Variants in SH2B2 observed in about 807,000 individuals in gnomAD.
SH2B2 encodes SH2B adaptor protein 2, also known as SH2B adapter protein 2.
Under a neutral mutation model 35.7 loss-of-function variants are expected in SH2B2, and 37 were observed. That is an observed-to-expected ratio of 1.04 (90% CI 0.80 to 1.36). The LOEUF (loss-of-function observed/expected upper bound fraction) is 1.36. Ranked by LOEUF, SH2B2 falls within the 40% of genes most tolerant of loss-of-function variation. SH2B2 has a pLI of 0.00. For missense variants in SH2B2, 852 were observed against 817.7 expected, an observed-to-expected ratio of 1.04 and a Z score of -0.51; for synonymous variants, 383 against 376.4, an observed-to-expected ratio of 1.02 and a Z score of -0.20.
chr7:102,318,509 G>A (rs1793942553), intron 7 of SH2B2, among the ~76,000 whole-genome samples: 1 of 152,166 alleles, frequency 6.6e-6, no homozygotes, highest in Non-Finnish European at 1.5e-5. Context: ...AATGTGGCCA[G>A]AGGGGGCAGG....
chr7:102,315,759 A>AAG lies in SH2B2; in HGVS notation c.1186+1078_1186+1079insGA, dbSNP rs1554556867. The stretch of plus-strand genomic sequence containing the variant: ...CCTGTGAAAAGAAAAAAAAAAAAAA[A>AAG]AAAGAAAAGAAAAGAAGAAAGGAGG... On this transcript the variant is annotated intron_variant, in intron 6 of 8. Coordinates refer to ENST00000444095, the MANE Select transcript of SH2B2 (RefSeq NM_001359228.2). Among the ~76,000 whole-genome samples, 9 of 144,508 alleles carry AAG rather than the reference A, an allele frequency of 6.2e-5. No homozygotes were observed. The South Asian group carries it at 6.4e-4, about 10-fold the overall frequency. 94.8% of individuals were successfully genotyped at this position (144,508 alleles called of 152,430 possible). A position where few individuals can be genotyped will look rare whatever the true frequency, so the allele number is the denominator to read the frequency against.
chr7:102,320,264 C>T, intron 7 of SH2B2, 67 bp from the exon 8 acceptor site: 1 of 1,367,712 alleles, frequency 7.3e-7, no homozygotes. Context: ...TCCATCAACC[C>T]CCAAAGGCGC....
chr7:102,321,120 G>A (rs1794052434), intron 8 of SH2B2, among the ~76,000 whole-genome samples, 179 bp from the exon 9 acceptor site: 1 of 152,182 alleles, frequency 6.6e-6, no homozygotes, highest in South Asian at 2.1e-4. Flanking sequence ...TTAGGTACAT[G>A]TATGTGTGTG....
At chr7:102,309,111 C>G in intron 4 of SH2B2, 1 of 674,426 alleles carries the variant, frequency 1.5e-6, no homozygotes, top group Non-Finnish European at 2.7e-6. Context: ...GAGGCCTGCT[C>G]TATGGGGCCA....
chr7:102,300,917 A>C lies in SH2B2; in HGVS notation c.367A>C (p.Thr123Pro). Reference protein sequence around the residue: ...GHSRSSEDVSTHAATKARVRK... With the variant: ...GHSRSSEDVSPHAATKARVRK... Reference sequence around the variant, plus strand: ...CTCGCGGAGCTCGGAGGACGTGTCCACGCACGCGGCCACCAAGGCCCGCGT... The same window carrying C: ...CTCGCGGAGCTCGGAGGACGTGTCCCCGCACGCGGCCACCAAGGCCCGCGT... The change falls in exon 2 of 9, where the codon ACG becomes CCG. Residue 123 changes from threonine to proline, a missense_variant. Physicochemically the swap from Thr to Pro is conservative, Grantham distance 38 (BLOSUM62 -1). Coordinates refer to ENST00000444095, the MANE Select transcript of SH2B2 (RefSeq NM_001359228.2). 6.7e-7 allele frequency: 1 copy of C among 1,486,226 alleles called. No homozygotes were observed. Among genetic ancestry groups the C allele is most frequent in the Non-Finnish European group, 8.9e-7 (1 of 1,122,202 alleles). The allele number at this position is 1,486,226 out of a possible 1,614,324, so 92.1% of individuals were successfully genotyped here.
chr7:102,306,189 C>T (rs550281633), intron 2 of SH2B2, among the ~76,000 whole-genome samples: 2 of 152,208 alleles, frequency 1.3e-5, no homozygotes, highest in South Asian at 2.1e-4. Context: ...TGGGTTCAAG[C>T]GATTCTCCTG....
chr7:102,306,595 T>C (rs712843), intron 2 of SH2B2, 126 bp from the exon 3 acceptor site: 1 of 687,430 alleles, frequency 1.5e-6, no homozygotes, highest in African/African-American at 1.8e-5. Context: ...GGGATTGGGA[T>C]ACCTCTGTAC....
At chr7:102,317,113 C>G (rs782477303) in intron 6 of SH2B2, 74 bp from the exon 7 acceptor site, 2 of 1,240,682 alleles carry the variant, frequency 1.6e-6, no homozygotes. Context: ...GACGTCACCT[C>G]TCTTCTCACA....
At chr7:102,301,580 G>A (rs1457624293) in intron 2 of SH2B2, among the ~76,000 whole-genome samples, 16 of 151,414 alleles carry the variant, frequency 1.1e-4, no homozygotes, top group Non-Finnish European at 2.2e-4. Flanking sequence ...GTGTGTGTGT[G>A]TGCGCGCGCG....
At chr7:102,301,336 G>A (rs1793183906) in intron 2 of SH2B2, 57 bp downstream of exon 2, 6 of 1,527,416 alleles carry the variant, frequency 3.9e-6, no homozygotes, top group Non-Finnish European at 4.4e-6. Flanking sequence ...CACCTGGGCA[G>A]CAGCTGAGGG....
At chr7:102,295,900 C>T (rs1157071847) in intron 1 of SH2B2, among the ~76,000 whole-genome samples, 2 of 152,180 alleles carry the variant, frequency 1.3e-5, no homozygotes, top group Non-Finnish European at 2.9e-5. Context: ...ACCACCACTA[C>T]CCAACTGCCA....
rs1272990491 is a variant in SH2B2, at chr7:102,297,576, C to T, written c.-29-2946C>T. Among the ~76,000 whole-genome samples, 5 of 152,170 alleles carry T rather than the reference C, an allele frequency of 3.3e-5. No individual in the cohort carries two copies. The highest frequency in any genetic ancestry group is 9.7e-5 in the African/African-American group (4 of 41,428). On this transcript the variant is annotated intron_variant, in intron 1 of 8. Transcript: ENST00000444095. This position sits in a 1 kb window ranked among gnomAD's most constrained non-coding sequence, Gnocchi z 4.3. The stretch of plus-strand genomic sequence containing the variant: ...GTCCTGGAGTCACTGCAGACCTGGG[C>T]GAGAACCCTGGACCTGTCTTGTCAC...
At chr7:102,285,982 C>T (rs985843885), upstream of SH2B2, among the ~76,000 whole-genome samples, 1 of 152,228 alleles carries the variant, frequency 6.6e-6, no homozygotes, top group Non-Finnish European at 1.5e-5. Flanking sequence ...CCAGAGCCCC[C>T]GCGCTGTGCC....
At chr7:102,305,731 G>T (rs782068119) in intron 2 of SH2B2, among the ~76,000 whole-genome samples, 8 of 152,062 alleles carry the variant, frequency 5.3e-5, no homozygotes, top group Non-Finnish European at 7.4e-5. Context: ...AATGGGTCAA[G>T]GTCAAAAATA....
chr7:102,289,470 A>C (rs562968153), intron 1 of SH2B2, among the ~76,000 whole-genome samples: 3 of 152,092 alleles, frequency 2.0e-5, no homozygotes, highest in Non-Finnish European at 4.4e-5. Context: ...CTCTGTGCAG[A>C]GGACAGGCAG....
intron 2 of SH2B2, 48 bp from the exon 3 acceptor site, chr7:102,306,673 G>A: frequency 7.3e-7 from 1 of 1,372,884 alleles, no homozygotes. Flanking sequence ...GATGGAAAGG[G>A]TGTCGGGAAA....
At chr7:102,318,549 T>C (rs1227593020) in intron 7 of SH2B2, among the ~76,000 whole-genome samples, 1 of 152,134 alleles carries the variant, frequency 6.6e-6, no homozygotes, top group African/African-American at 2.4e-5. Flanking sequence ...GCATCCCAGG[T>C]TTCCGATAAG....
intron 1 of SH2B2, among the ~76,000 whole-genome samples, chr7:102,298,860 C>T (rs1486918283): frequency 1.3e-5 from 2 of 150,614 alleles, no homozygotes; most frequent in Admixed American, 1.3e-4. Context: ...ATGTGTAAGC[C>T]AATGTGCCCG....
At position 102,321,373 on chromosome 7, in the gene SH2B2, TC is replaced by T; in HGVS notation, c.1644del (p.Ser549AlafsTer99). Reference protein sequence around the residue: ...WSDSPGQHYFSSLAAAACPPA... With the variant: ...WSDSPGQHYFXSLAAAACPPA... The stretch of plus-strand genomic sequence containing the variant: ...CGACTCGCCCGGCCAGCACTACTTC[TC>T]CAGCCTCGCCGCGGCCGCCTGCCCG... On this transcript the variant is annotated frameshift_variant, in exon 9 of 9. Coordinates refer to ENST00000444095, the MANE Select transcript of SH2B2 (RefSeq NM_001359228.2). LOFTEE classifies it low-confidence loss of function (END_TRUNC). 7.1e-7 allele frequency: 1 copy of T among 1,407,440 alleles called. No homozygotes were observed. Among genetic ancestry groups the T allele is most frequent in the South Asian group, 1.4e-5 (1 of 69,500 alleles). 87.2% of individuals were successfully genotyped at this position (1,407,440 alleles called of 1,614,324 possible).
Sources: allele counts gnomAD v4.1 joint callset (sites outside exome capture counted in the v4.1 genomes callset), GRCh38; gene constraint gnomAD v4.1.1; non-coding constraint Gnocchi (gnomAD v3.1); transcripts MANE v1.5; gene names NCBI Gene and HGNC (gene_info 2026-07-23, HGNC 2026-07-21).